Variants in FAM13A observed in about 807,000 individuals in gnomAD.
FAM13A encodes the protein protein FAM13A.
A neutral mutation model predicts 129.6 loss-of-function variants in FAM13A; 76 were observed. The ratio of observed to expected loss-of-function variants is 0.59; its 90% CI spans 0.49 to 0.71. FAM13A has a LOEUF of 0.71. FAM13A is among the 30% of genes least tolerant of loss of function. The pLI is 0.00. For synonymous variants in FAM13A, 443 were observed against 449.9 expected, an observed-to-expected ratio of 0.98 and a Z score of 0.20; for missense variants, 1,108 against 1,249.3, an observed-to-expected ratio of 0.89 and a Z score of 1.70.
chr4:89,054,380 A>T (rs1182768016), intron 1 of FAM13A, among the ~76,000 whole-genome samples: 1 of 152,094 alleles, frequency 6.6e-6, no homozygotes, highest in East Asian at 1.9e-4. Flanking sequence ...CTTCAGCAGC[A>T]GGATATTTCA....
At chr4:88,786,319 T>G (rs1483239568) in intron 10 of FAM13A, among the ~76,000 whole-genome samples, 1 of 152,178 alleles carries the variant, frequency 6.6e-6, no homozygotes, top group East Asian at 1.9e-4. Flanking sequence ...CGTGACACAC[T>G]GAGGATATTT....
At chr4:88,874,793 T>C (rs1742085247) in intron 6 of FAM13A, among the ~76,000 whole-genome samples, 1 of 152,164 alleles carries the variant, frequency 6.6e-6, no homozygotes, top group South Asian at 2.1e-4. Context: ...AAAACTACTT[T>C]AAAGTTCATA....
rs1017000200 is a variant in FAM13A, at chr4:88,787,646, A to C, written c.1271+107T>G. ...TTAAAGTTTTAACCTAAATACTGAA[A>C]TGGGAGAGGACCAGGAGGTATGACT... On this transcript the variant is annotated intron_variant, in intron 10 of 23. Transcript: ENST00000264344. 5 of 994,692 alleles carry C rather than the reference A, an allele frequency of 5.0e-6. No individual in the cohort carries two copies. The African/African-American group carries it at 8.2e-5, about 16-fold the overall frequency. 61.6% of individuals were successfully genotyped at this position (994,692 alleles called of 1,614,324 possible). A position where few individuals can be genotyped will look rare whatever the true frequency, so the allele number is the denominator to read the frequency against.
At chr4:88,935,710 AG>A (rs1753739952) in intron 5 of FAM13A, among the ~76,000 whole-genome samples, 2 of 152,180 alleles carry the variant, frequency 1.3e-5, no homozygotes, top group Non-Finnish European at 2.9e-5. Context: ...TTTTCAAAAA[AG>A]TCTGTTTTCT....
chr4:89,056,813 A>T, intron 1 of FAM13A, 125 bp downstream of exon 1: 1 of 919,636 alleles, frequency 1.1e-6, no homozygotes, highest in Non-Finnish European at 1.7e-6. Flanking sequence ...TTAAGTAACA[A>T]ATCTTTCCCC....
intron 2 of FAM13A, among the ~76,000 whole-genome samples, chr4:89,021,470 G>T (rs1560834407): frequency 6.6e-6 from 1 of 152,086 alleles, no homozygotes; most frequent in East Asian, 1.9e-4. Flanking sequence ...CCCTGACAAA[G>T]ATAAACAAAA....
Position 88,758,902 on chromosome 4 carries a change from C to CTGCACAA in FAM13A, c.1579-2_1579-1insTTGTGCA. 1 of 1,613,184 alleles carries CTGCACAA rather than the reference C, an allele frequency of 6.2e-7. No homozygotes were observed. Among genetic ancestry groups the CTGCACAA allele is most frequent in the Non-Finnish European group, 8.5e-7 (1 of 1,179,504 alleles). On this transcript the variant is annotated splice_acceptor_variant, in intron 13 of 23. Coordinates refer to ENST00000264344, the MANE Select transcript of FAM13A (RefSeq NM_014883.4). LOFTEE classifies it high-confidence loss of function. ...GCTCCTGGATCTTCATTGTGGGGCT[C>CTGCACAA]TGCAATAACAGCACAATGTCCCCAA... is the stretch of plus-strand genomic sequence containing the variant.
intron 4 of FAM13A, among the ~76,000 whole-genome samples, chr4:88,978,048 T>A (rs1334038491): frequency 1.3e-5 from 2 of 152,178 alleles, no homozygotes; most frequent in East Asian, 3.9e-4. Context: ...ATTTGGCCAT[T>A]TTGAACTAGA....
chr4:88,893,365 C>CT (rs1364566034), intron 6 of FAM13A, among the ~76,000 whole-genome samples: 6 of 152,232 alleles, frequency 3.9e-5, no homozygotes, highest in African/African-American at 1.4e-4. Context: ...TGGCTCACGC[C>CT]TTTAATCCCA....
chr4:89,048,518 T>C (rs957511298), intron 1 of FAM13A, among the ~76,000 whole-genome samples: 1 of 152,068 alleles, frequency 6.6e-6, no homozygotes, highest in Non-Finnish European at 1.5e-5. Context: ...GCTTGCACAA[T>C]TGGTCAATTT....
intron 11 of FAM13A, among the ~76,000 whole-genome samples, chr4:88,780,104 A>C (rs1249939211): frequency 6.6e-6 from 1 of 152,216 alleles, no homozygotes; most frequent in African/African-American, 2.4e-5. Flanking sequence ...TGTACCAGAC[A>C]TAAGTCTGAG....
chr4:88,918,099 T>C (rs1438297887), intron 5 of FAM13A, among the ~76,000 whole-genome samples: 3 of 152,246 alleles, frequency 2.0e-5, no homozygotes, highest in Non-Finnish European at 4.4e-5. Flanking sequence ...TCCTTTTCTT[T>C]TGTCAAATTT....
At chr4:88,913,162 GGAA>G (rs1447708054) in intron 5 of FAM13A, among the ~76,000 whole-genome samples, 27 of 136,086 alleles carry the variant, frequency 2.0e-4, no homozygotes, top group African/African-American at 6.5e-4. Flanking sequence ...AGGAGGAGGA[GGAA>G]GAAGAAGAGG....
At chr4:89,037,618 G>C (rs1011012679) in intron 1 of FAM13A, among the ~76,000 whole-genome samples, 11 of 152,160 alleles carry the variant, frequency 7.2e-5, no homozygotes, top group African/African-American at 2.7e-4. Flanking sequence ...ATGTTAGAAG[G>C]ACATGAGATT....
In FAM13A at chr4:88,787,859, A is replaced by T. The variant is rs1724288614; in HGVS notation, c.1165T>A (p.Ser389Thr). 2 of 1,613,594 alleles carry T rather than the reference A, an allele frequency of 1.2e-6. No individual in the cohort carries two copies. ...AGTGTTCCAGATTCTGAGTCCTCTG[A>T]ACTTTGACCTCCAGAGTTATTAACA... ...FDVNNSGGQS[S>T]EDSESGTLSA... Residue 389 changes from serine to threonine, a missense_variant, in exon 10 of 24, where the codon TCA (serine) becomes ACA (threonine). This residue lies in a region of FAM13A where 566 missense variants were observed against 595.7 expected (regional missense o/e 0.95). Coordinates refer to ENST00000264344, the MANE Select transcript of FAM13A (RefSeq NM_014883.4).
At chr4:88,825,057 T>C (rs570947025) in intron 7 of FAM13A, among the ~76,000 whole-genome samples, 1 of 152,088 alleles carries the variant, frequency 6.6e-6, no homozygotes, top group Non-Finnish European at 1.5e-5. Flanking sequence ...ATCTATTTTA[T>C]TGATGAGTAA....
intron 6 of FAM13A, among the ~76,000 whole-genome samples, chr4:88,873,662 CA>C (rs1356976667): frequency 2.0e-5 from 3 of 151,904 alleles, no homozygotes; most frequent in Non-Finnish European, 4.4e-5. Context: ...GCCTACCAAC[CA>C]AAAAAAGTCC....
At chr4:88,989,126 T>C (rs9991800) in intron 4 of FAM13A, among the ~76,000 whole-genome samples, 102,171 of 151,374 alleles carry the variant, frequency 0.67, 34,530 homozygotes, top group Middle Eastern at 0.79. Context: ...GAGAATCGCA[T>C]GAACCCAGGA....
intron 6 of FAM13A, 141 bp downstream of exon 6, chr4:88,906,238 A>C (rs1748138831): frequency 1.6e-6 from 1 of 613,308 alleles, no homozygotes; most frequent in African/African-American, 1.9e-5. Context: ...CAGTGAGCTG[A>C]GATTGCGCCA....
Sources: gnomAD v4.1 joint callset for allele counts (sites outside exome capture counted in the v4.1 genomes callset) on GRCh38, gnomAD v4.1.1 for gene constraint, gnomAD v4.1.1 regional missense constraint, MANE v1.5 for transcripts, NCBI Gene and HGNC (gene_info 2026-07-23, HGNC 2026-07-21) for gene names.